CORO2B: variants seen among roughly 807,000 people sequenced by gnomAD.
CORO2B encodes the protein coronin-2B.
In CORO2B, 26 loss-of-function variants were observed where a neutral mutation model predicts 58.8. The ratio of observed to expected loss-of-function variants is 0.44; its 90% CI spans 0.32 to 0.61. The LOEUF is 0.61. Ranked by LOEUF, CORO2B falls within the 20% of genes least tolerant of loss-of-function variation. The probability of loss-of-function intolerance (pLI) is 0.04; values close to 1 mark genes in which losing one functional copy is unlikely to be tolerated. For synonymous variants in CORO2B, 242 were observed against 253.8 expected (o/e 0.95, Z 0.44); for missense variants, 460 against 645.1 (o/e 0.71, Z 3.11).
intron 1 of CORO2B, among the ~76,000 whole-genome samples, chr15:68,624,061 T>TCCTGCTGTCTTGAGCAGGTGA (rs1900606442): frequency 6.6e-6 from 1 of 152,032 alleles, no homozygotes; most frequent in Admixed American, 6.6e-5. Flanking sequence ...GGGTGGCGGG[T>TCCTGCTGTCTTGAGCAGGTGA]CCTGCTGTCT....
At chr15:68,665,011 G>GTCTTT (rs3084723) in intron 2 of CORO2B, among the ~76,000 whole-genome samples, 147,193 of 151,992 alleles carry the variant, frequency 0.97, 71,467 homozygotes, top group East Asian at 1. Flanking sequence ...AAGTTTACCA[G>GTCTTT]TCTTTTATGG....
At chr15:68,618,562 C>T (rs1900431038) in intron 1 of CORO2B, among the ~76,000 whole-genome samples, 1 of 152,232 alleles carries the variant, frequency 6.6e-6, no homozygotes, top group African/African-American at 2.4e-5. Context: ...ACTGATGTGC[C>T]TGGCACATGA....
intron 11 of CORO2B, among the ~76,000 whole-genome samples, chr15:68,725,156 G>A (rs1893261887): frequency 6.6e-6 from 1 of 152,072 alleles, no homozygotes; most frequent in South Asian, 2.1e-4. Flanking sequence ...ATCTCTTGAG[G>A]TCAGGAGTTC....
chr15:68,649,891 A>G (rs1901577318), intron 2 of CORO2B, among the ~76,000 whole-genome samples: 1 of 152,144 alleles, frequency 6.6e-6, no homozygotes, highest in Non-Finnish European at 1.5e-5. Flanking sequence ...CAAGAGAGAG[A>G]ATGAGAGTGA....
At chr15:68,694,198 C>A (rs1023860048) in intron 2 of CORO2B, among the ~76,000 whole-genome samples, 1 of 152,144 alleles carries the variant, frequency 6.6e-6, no homozygotes, top group Non-Finnish European at 1.5e-5. Flanking sequence ...GAGATCTTCA[C>A]CCACTAAGGG....
Position 68,645,198 on chromosome 15 carries a change from G to T in CORO2B, c.54G>T (p.Arg18=). Reference sequence around the variant, plus strand: ...CGCAATACCGTAGCTCCAAGTTCCGGAATGTCTACGGGAAGGTGGCCAACC... The same window carrying T: ...CGCAATACCGTAGCTCCAAGTTCCGTAATGTCTACGGGAAGGTGGCCAACC... The part of the protein sequence containing the change: ...WRPQYRSSKF[R]NVYGKVANRE... The change falls in exon 2 of 12, where the codon CGG becomes CGT. Residue 18 remains arginine (R), a synonymous_variant. Transcript: ENST00000261861. The surrounding 1 kb of genome is among the most constrained non-coding windows in gnomAD (Gnocchi z 4.5). The T allele has an allele frequency of 6.2e-7, 1 of 1,614,176 alleles. No individual in the cohort carries two copies.
At chr15:68,558,672 G>A in the CORO2B span, among the ~76,000 whole-genome samples, 11 of 152,244 alleles carry the variant, frequency 7.2e-5, 2 homozygotes, top group South Asian at 2.3e-3. Context: ...CACCGCACTG[G>A]CCTCTCTCCC....
chr15:68,519,027 C>T, the CORO2B span, among the ~76,000 whole-genome samples: 11 of 152,284 alleles, frequency 7.2e-5, no homozygotes, highest in Non-Finnish European at 1.0e-4. Flanking sequence ...AGAGTATGCA[C>T]GGCCCAGGAC....
intron 3 of CORO2B, among the ~76,000 whole-genome samples, chr15:68,704,029 T>TACAC (rs1162113689): frequency 1.0e-5 from 1 of 99,466 alleles, no homozygotes; most frequent in African/African-American, 3.9e-5. Context: ...ACCCTTTCTC[T>TACAC]ACACACACAT....
the CORO2B span, among the ~76,000 whole-genome samples, chr15:68,529,475 A>G: frequency 4.5e-3 from 686 of 152,248 alleles, 6 homozygotes; most frequent in African/African-American, 0.016. Flanking sequence ...CCCTTTATCA[A>G]TTGGCCATTT....
chr15:68,563,184 A>C, the CORO2B span, among the ~76,000 whole-genome samples: 1 of 151,472 alleles, frequency 6.6e-6, no homozygotes, highest in Non-Finnish European at 1.5e-5. Flanking sequence ...GGAAAGAAAT[A>C]ATAAAGATTA....
intron 11 of CORO2B, among the ~76,000 whole-genome samples, chr15:68,725,415 TG>T (rs1459056055): frequency 6.6e-6 from 1 of 151,970 alleles, no homozygotes; most frequent in Admixed American, 6.6e-5. Context: ...TAATAATATA[TG>T]TAATACATGT....
At chr15:68,695,059 A>T (rs777202691) in intron 2 of CORO2B, 81 bp from the exon 3 acceptor site, 7 of 1,049,886 alleles carry the variant, frequency 6.7e-6, no homozygotes, top group Non-Finnish European at 8.9e-6. Context: ...TGAGAGGCCC[A>T]GAAAAAAGGT....
At chr15:68,704,854 C>A (rs1031941677) in intron 3 of CORO2B, among the ~76,000 whole-genome samples, 6 of 152,162 alleles carry the variant, frequency 3.9e-5, no homozygotes, top group Non-Finnish European at 8.8e-5. Context: ...TTCTCCCCAC[C>A]CTTTCCTTCC....
At chr15:68,544,831 C>T in the CORO2B span, among the ~76,000 whole-genome samples, 1,942 of 150,362 alleles carry the variant, frequency 0.013, 46 homozygotes, top group African/African-American at 0.046. Context: ...GGCTGGAGTG[C>T]GACGGCACAA....
chr15:68,606,078 A>G (rs974377614), intron 1 of CORO2B, among the ~76,000 whole-genome samples: 2 of 151,996 alleles, frequency 1.3e-5, no homozygotes, highest in Non-Finnish European at 2.9e-5. Flanking sequence ...GTTTACTGAA[A>G]GTCATGGTGG....
intron 1 of CORO2B, among the ~76,000 whole-genome samples, chr15:68,625,483 A>C (rs1221121419): frequency 6.6e-6 from 1 of 151,858 alleles, no homozygotes; most frequent in African/African-American, 2.4e-5. Flanking sequence ...GCCAGCATTC[A>C]TCCGTGTTCC....
intron 2 of CORO2B, among the ~76,000 whole-genome samples, chr15:68,673,198 G>C (rs567403722): frequency 3.6e-4 from 55 of 152,110 alleles, no homozygotes; most frequent in Non-Finnish European, 6.6e-4. Flanking sequence ...GAGTTGGAAG[G>C]AGCCTCAGAA....
the CORO2B span, among the ~76,000 whole-genome samples, chr15:68,560,096 C>T: frequency 0.038 from 5,730 of 152,274 alleles, 143 homozygotes; most frequent in Middle Eastern, 0.058. Context: ...CGTGGCCGGG[C>T]ACTTGCACCC....
Sources: allele counts gnomAD v4.1 joint callset (sites outside exome capture counted in the v4.1 genomes callset), GRCh38; gene constraint gnomAD v4.1.1; non-coding constraint Gnocchi (gnomAD v3.1); transcripts MANE v1.5; gene names NCBI Gene and HGNC (gene_info 2026-07-23, HGNC 2026-07-21).